LRPAP1: variants seen among roughly 807,000 people sequenced by gnomAD.
LRPAP1 encodes alpha-2-macroglobulin receptor-associated protein.
Under a neutral mutation model 39.9 loss-of-function variants are expected in LRPAP1, and 41 were observed. The observed-to-expected ratio is 1.03, with a 90% CI of 0.80 to 1.33. The LOEUF (loss-of-function observed/expected upper bound fraction) is 1.33. LRPAP1 is among the 40% of genes most tolerant of loss of function. LRPAP1 has a pLI of 0.00. For synonymous variants in LRPAP1, 263 were observed against 212.7 expected, an observed-to-expected ratio of 1.24 and a Z score of -2.06; for missense variants, 565 against 482.3, an observed-to-expected ratio of 1.17 and a Z score of -1.61.
Position 3,508,081 on chromosome 4 carries a change from C to A in LRPAP1, c.*4893G>T, listed in dbSNP as rs1729403052. 6.6e-6 allele frequency: 1 copy of A among 152,224 alleles called. No homozygotes were observed. Among genetic ancestry groups the A allele is most frequent in the African/African-American group, 2.4e-5 (1 of 41,444 alleles). 9.4% of individuals were successfully genotyped at this position (152,224 alleles called of 1,614,324 possible). On this transcript the variant is annotated 3_prime_UTR_variant, in exon 8 of 8. Coordinates refer to ENST00000650182, the MANE Select transcript of LRPAP1 (RefSeq NM_002337.4). Reference sequence around the variant, plus strand: ...AGTGCAGTGGTGTGATCTCAGCTCACTGCAACCTCCACCTCCTGAGTTCAA... The same window carrying A: ...AGTGCAGTGGTGTGATCTCAGCTCAATGCAACCTCCACCTCCTGAGTTCAA...
At chr4:3,515,004 A>G in intron 6 of LRPAP1, 76 bp from the exon 7 acceptor site, 1 of 1,502,256 alleles carries the variant, frequency 6.7e-7, no homozygotes, top group Non-Finnish European at 9.1e-7. Context: ...GGTGAACTGC[A>G]AGGACGCCAA....
chr4:3,508,570 A>G lies in LRPAP1; in HGVS notation c.*4404T>C, dbSNP rs1251421744. The G allele has an allele frequency of 6.6e-6, 1 of 152,138 alleles. No individual in the cohort carries two copies. Among genetic ancestry groups the G allele is most frequent in the Non-Finnish European group, 1.5e-5 (1 of 68,030 alleles). The allele number at this position is 152,138 out of a possible 1,614,324, so 9.4% of individuals were successfully genotyped here. On this transcript the variant is annotated 3_prime_UTR_variant, in exon 8 of 8. Coordinates refer to ENST00000650182, the MANE Select transcript of LRPAP1 (RefSeq NM_002337.4). ...GAGGTCCTTAGCCCGGTATGAGCAA[A>G]TCTCATCTGGCCATGCAGAGAAAAG...
At chr4:3,528,174 C>G (rs1424511290) in intron 1 of LRPAP1, among the ~76,000 whole-genome samples, 3 of 152,194 alleles carry the variant, frequency 2.0e-5, no homozygotes, top group Admixed American at 6.5e-5. Flanking sequence ...GTTAACGCAT[C>G]AAGTTAGAAG....
rs777014677 is a variant in LRPAP1, at chr4:3,524,948, T to G, written c.308A>C (p.Glu103Ala). The G allele has an allele frequency of 2.5e-6, 4 of 1,614,100 alleles. No homozygotes were observed. Among genetic ancestry groups the G allele is most frequent in the Non-Finnish European group, 3.4e-6 (4 of 1,180,046 alleles). The stretch of plus-strand genomic sequence containing the variant: ...GAGTCTCGCTTCCTTCTCCCCATCT[T>G]CGTCCAAGCCGTCAAGCTTTAGTTT... ...WKKLKLDGLDEDGEKEARLIR... is the reference protein window; with the variant it reads ...WKKLKLDGLDADGEKEARLIR... The change falls in exon 2 of 8, where the codon GAA (glutamate) becomes GCA (alanine). Residue 103 changes from glutamate to alanine, a missense_variant. Transcript: ENST00000650182.
At chr4:3,530,522 C>A (rs1040273350) in intron 1 of LRPAP1, among the ~76,000 whole-genome samples, 12 of 152,236 alleles carry the variant, frequency 7.9e-5, no homozygotes, top group East Asian at 1.9e-4. Flanking sequence ...CCAGAAAGAT[C>A]ATCTAGTCCA....
intron 1 of LRPAP1, among the ~76,000 whole-genome samples, chr4:3,528,776 T>C (rs1730152317): frequency 6.6e-6 from 1 of 152,088 alleles, no homozygotes; most frequent in Non-Finnish European, 1.5e-5. Flanking sequence ...CTGAGCTCCG[T>C]GGACAAGGGC....
chr4:3,514,802 G>C lies in LRPAP1; in HGVS notation c.961C>G (p.Arg321Gly). 1 of 1,613,106 alleles carries C rather than the reference G, an allele frequency of 6.2e-7. No individual in the cohort carries two copies. Among genetic ancestry groups the C allele is most frequent in the Non-Finnish European group, 8.5e-7 (1 of 1,179,828 alleles). The change falls in exon 7 of 8, where the codon CGC (arginine) becomes GGC (glycine). Residue 321 changes from arginine to glycine, a missense_variant. Coordinates refer to ENST00000650182, the MANE Select transcript of LRPAP1 (RefSeq NM_002337.4). ...CCCTCCAGCAGGGCGTGCTTCTCGC[G>C]GCTGCGGCTCACACGCTCGCCGTCG... is the stretch of plus-strand genomic sequence containing the variant. ...VGDGERVSRS[R>G]EKHALLEGRT...
At chr4:3,526,670 G>A (rs1462660646) in intron 1 of LRPAP1, among the ~76,000 whole-genome samples, 3 of 152,202 alleles carry the variant, frequency 2.0e-5, no homozygotes, top group South Asian at 4.1e-4. Flanking sequence ...CTCGCACGAA[G>A]CCAATTCTGT....
At chr4:3,521,769 T>G (rs1255276863) in intron 2 of LRPAP1, among the ~76,000 whole-genome samples, 1 of 152,174 alleles carries the variant, frequency 6.6e-6, no homozygotes, top group Non-Finnish European at 1.5e-5. Context: ...TGGGCACGGG[T>G]CCCGTAGATG....
At position 3,504,911 on chromosome 4, in the gene LRPAP1, C is replaced by T. The variant is rs982008810; in HGVS notation, c.*8063G>A. ...GCAGTGAGCCGAGATCGCACCAACG[C>T]ACTCCAGCCTGGGCGACAGAGCAAG... On this transcript the variant is annotated 3_prime_UTR_variant, in exon 8 of 8. Transcript: ENST00000650182. Among the ~76,000 whole-genome samples the T allele has an allele frequency of 1.3e-5, 2 of 151,912 alleles. No homozygotes were observed. The highest frequency in any genetic ancestry group is 1.5e-5 in the Non-Finnish European group (1 of 68,006).
chr4:3,522,527 C>T (rs137968793), intron 2 of LRPAP1, among the ~76,000 whole-genome samples: 4,051 of 149,782 alleles, frequency 0.027, 181 homozygotes, highest in Admixed American at 0.052. Context: ...GGAGGACGGA[C>T]GTCATCCCAC....
At chr4:3,520,406 G>A (rs1464911995) in intron 2 of LRPAP1, among the ~76,000 whole-genome samples, 4 of 152,214 alleles carry the variant, frequency 2.6e-5, no homozygotes, top group African/African-American at 9.7e-5. Context: ...TTAGGAACGG[G>A]TCTGGCGACT....
intron 1 of LRPAP1, among the ~76,000 whole-genome samples, chr4:3,529,828 G>A (rs1286467411): frequency 2.0e-5 from 3 of 152,138 alleles, no homozygotes; most frequent in South Asian, 2.1e-4. Flanking sequence ...GACACACTAC[G>A]CAATCCTATA....
intron 2 of LRPAP1, among the ~76,000 whole-genome samples, chr4:3,521,804 C>T (rs1161706206): frequency 6.6e-6 from 1 of 152,248 alleles, no homozygotes; most frequent in African/African-American, 2.4e-5. Context: ...CAACCACATG[C>T]TGGGCCTGTC....
intron 6 of LRPAP1, 187 bp downstream of exon 6, chr4:3,515,929 C>A: frequency 1.6e-6 from 1 of 627,758 alleles, no homozygotes; most frequent in Non-Finnish European, 2.8e-6. Flanking sequence ...GGCCCCGCCC[C>A]TGAAACACGA....
Position 3,514,795 on chromosome 4 carries a change from T to C in LRPAP1, c.968A>G (p.Lys323Arg), listed in dbSNP as rs1729640176. 1 of 1,613,016 alleles carries C rather than the reference T, an allele frequency of 6.2e-7. No homozygotes were observed. Reference protein sequence around the residue: ...DGERVSRSREKHALLEGRTKE... With the variant: ...DGERVSRSRERHALLEGRTKE... ...GGTCCGCCCCTCCAGCAGGGCGTGCTTCTCGCGGCTGCGGCTCACACGCTC... is the reference window on the plus strand; with the variant it reads ...GGTCCGCCCCTCCAGCAGGGCGTGCCTCTCGCGGCTGCGGCTCACACGCTC... The change falls in exon 7 of 8, where the codon AAG becomes AGG. Residue 323 changes from lysine (K) to arginine (R), a missense_variant. Transcript: ENST00000650182.
Position 3,532,389 on chromosome 4 carries a change from C to T in LRPAP1, c.24G>A (p.Ser8=), listed in dbSNP as rs745909895. 6 of 1,587,184 alleles carry T rather than the reference C, an allele frequency of 3.8e-6. No individual in the cohort carries two copies. Among genetic ancestry groups the T allele is most frequent in the Non-Finnish European group, 5.1e-6 (6 of 1,167,390 alleles). Residue 8 remains serine, a synonymous_variant, in exon 1 of 8, where the codon TCG becomes TCA. Transcript: ENST00000650182. ...GCAGCGCCGGGAGCCCGCGCAGAAA[C>T]GACCTGACCCTCCGCGGCGCCATCT... MAPRRVR[S]FLRGLPALLL... is the part of the protein sequence containing the mutation.
At position 3,504,808 on chromosome 4, in the gene LRPAP1, A is replaced by G. The variant is rs1729303577; in HGVS notation, c.*8166T>C. On this transcript the variant is annotated 3_prime_UTR_variant, in exon 8 of 8. Transcript: ENST00000650182. ...ACACACACAGAAAAATTAGCTGGGT[A>G]TGGTGGCAGGTGCCCATAATCCCAG... Among the ~76,000 whole-genome samples the G allele has an allele frequency of 6.6e-6, 1 of 151,378 alleles. No homozygotes were observed. Among genetic ancestry groups the G allele is most frequent in the East Asian group, 1.9e-4 (1 of 5,156 alleles).
At chr4:3,521,077 T>A (rs1237335752) in intron 2 of LRPAP1, among the ~76,000 whole-genome samples, 1 of 152,198 alleles carries the variant, frequency 6.6e-6, no homozygotes, top group Non-Finnish European at 1.5e-5. Context: ...CCAAGTCCTG[T>A]GCTGTGGCTC....
Sources: allele counts gnomAD v4.1 joint callset (sites outside exome capture counted in the v4.1 genomes callset), GRCh38; gene constraint gnomAD v4.1.1; transcripts MANE v1.5; gene names NCBI Gene and HGNC (gene_info 2026-07-23, HGNC 2026-07-21).